DISP1: variants seen among roughly 807,000 people sequenced by gnomAD.
DISP1 encodes the protein protein dispatched homolog 1.
In DISP1, 30 loss-of-function variants were observed where a neutral mutation model predicts 37.3. The observed-to-expected ratio is 0.80, with a 90% CI of 0.60 to 1.09. DISP1 has a LOEUF of 1.09. Among genes scored for constraint, DISP1 ranks in the 50% least tolerant of loss-of-function variants. The probability of loss-of-function intolerance (pLI) is 0.00; values close to 1 mark genes in which losing one functional copy is unlikely to be tolerated. For missense variants in DISP1, 1,598 were observed against 1,879.5 expected (o/e 0.85, Z 2.77); for synonymous variants, 634 against 690.2 (o/e 0.92, Z 1.28).
At chr1:222,881,256 C>T (rs1303115101) in intron 1 of DISP1, among the ~76,000 whole-genome samples, 1 of 151,992 alleles carries the variant, frequency 6.6e-6, no homozygotes, top group Non-Finnish European at 1.5e-5. Context: ...AAAGCAATGG[C>T]GCCATCTCGG....
intron 1 of DISP1, among the ~76,000 whole-genome samples, chr1:222,884,983 C>T (rs1186166408): frequency 1.3e-5 from 2 of 152,062 alleles, no homozygotes; most frequent in Admixed American, 6.5e-5. Flanking sequence ...ACTACAGGCG[C>T]CCGCCACTAC....
At chr1:222,850,186 A>G (rs1668142710) in intron 1 of DISP1, among the ~76,000 whole-genome samples, 3 of 152,224 alleles carry the variant, frequency 2.0e-5, no homozygotes, top group Admixed American at 2.0e-4. Flanking sequence ...AAATGCTGGC[A>G]GTAAAGTTCA....
At position 222,839,437 on chromosome 1, in the gene DISP1, T is replaced by G. The variant is rs143693320; in HGVS notation, c.-159+24359T>G. ...TAGGCACCACTTATCTATAGCCTTT[T>G]CTCTTGGGCTGATGTCTCTTTCCAA... On this transcript the variant is annotated intron_variant, in intron 1 of 8. Coordinates refer to ENST00000675850, the MANE Select transcript of DISP1 (RefSeq NM_001377229.1). Among the ~76,000 whole-genome samples, 135 of 152,292 alleles carry G rather than the reference T, an allele frequency of 8.9e-4. No individual in the cohort carries two copies. The East Asian group carries it at 0.019, about 21-fold the overall frequency.
At chr1:222,870,280 T>C (rs1299543017) in intron 1 of DISP1, among the ~76,000 whole-genome samples, 5 of 152,232 alleles carry the variant, frequency 3.3e-5, no homozygotes, top group Admixed American at 2.6e-4. Flanking sequence ...AGCAGCATGA[T>C]TTATAATCCT....
intron 3 of DISP1, among the ~76,000 whole-genome samples, chr1:222,965,708 T>C (rs1676428167): frequency 6.6e-6 from 1 of 152,172 alleles, no homozygotes; most frequent in Non-Finnish European, 1.5e-5. Context: ...AATATCTCAC[T>C]CAGTTTTTTT....
At chr1:222,877,885 A>G (rs1173830194) in intron 1 of DISP1, among the ~76,000 whole-genome samples, 1 of 152,154 alleles carries the variant, frequency 6.6e-6, no homozygotes, top group Non-Finnish European at 1.5e-5. Context: ...ACCCAAGAGA[A>G]CAGCCCTGAT....
chr1:222,971,151 G>T (rs1382144499), intron 3 of DISP1, among the ~76,000 whole-genome samples: 2 of 152,026 alleles, frequency 1.3e-5, no homozygotes, highest in African/African-American at 2.4e-5. Flanking sequence ...TTTTGACAAT[G>T]ATTTGAGTTA....
chr1:222,836,762 T>C (rs61839598), intron 1 of DISP1, among the ~76,000 whole-genome samples: 39,668 of 147,290 alleles, frequency 0.27, 5,593 homozygotes, highest in South Asian at 0.42. Flanking sequence ...TATATATATA[T>C]ACACACACAC....
chr1:222,872,751 G>C (rs573365614), intron 1 of DISP1, among the ~76,000 whole-genome samples: 99 of 152,218 alleles, frequency 6.5e-4, no homozygotes, highest in Middle Eastern at 3.4e-3. Flanking sequence ...ATTTTTTGAA[G>C]GGTTTTTCTG....
At chr1:222,859,329 C>G (rs554923798) in intron 1 of DISP1, among the ~76,000 whole-genome samples, 3 of 152,022 alleles carry the variant, frequency 2.0e-5, no homozygotes, top group Non-Finnish European at 4.4e-5. Flanking sequence ...TGGGGCCTGT[C>G]GGGAGGTGGA....
At chr1:222,993,381 T>A (rs1678842500) in intron 7 of DISP1, among the ~76,000 whole-genome samples, 1 of 152,230 alleles carries the variant, frequency 6.6e-6, no homozygotes, top group Admixed American at 6.5e-5. Flanking sequence ...AATTTTTAAT[T>A]AAGTGAATAT....
intron 1 of DISP1, among the ~76,000 whole-genome samples, chr1:222,818,037 A>G (rs2125116573): frequency 6.6e-6 from 1 of 152,346 alleles, no homozygotes; most frequent in East Asian, 1.9e-4. Flanking sequence ...CACAATGGCA[A>G]ATATTGTAGA....
Position 223,004,458 on chromosome 1 carries a change from T to C in DISP1, c.3061T>C (p.Phe1021Leu), listed in dbSNP as rs760684378. 7 of 1,614,214 alleles carry C rather than the reference T, an allele frequency of 4.3e-6. No individual in the cohort carries two copies. The East Asian group carries it at 1.6e-4, about 36-fold the overall frequency. Reference sequence around the variant, plus strand: ...CATCATTTCAATTGCTGGAACGATATTTGTCACTGTTGGTTCTCTTGTCCT... The same window carrying C: ...CATCATTTCAATTGCTGGAACGATACTTGTCACTGTTGGTTCTCTTGTCCT... ...YAIISIAGTI[F>L]VTVGSLVLLG... The change falls in exon 9 of 9, where the codon TTT becomes CTT. Residue 1021 changes from phenylalanine to leucine, a missense_variant. Phe to Leu is a conservative substitution (Grantham distance 22). Transcript: ENST00000675850. The surrounding 1 kb of genome is among the most constrained non-coding windows in gnomAD (Gnocchi z 4.9).
intron 1 of DISP1, among the ~76,000 whole-genome samples, chr1:222,870,547 T>C (rs896798971): frequency 2.6e-5 from 4 of 152,260 alleles, no homozygotes; most frequent in South Asian, 2.1e-4. Flanking sequence ...CCAGTGATGA[T>C]GAGCATTTTT....
At chr1:222,984,427 T>A (rs1442902200) in intron 4 of DISP1, among the ~76,000 whole-genome samples, 1,211 of 114,576 alleles carry the variant, frequency 0.011, 82 homozygotes, top group African/African-American at 0.042. Flanking sequence ...AAAAAATATA[T>A]ATATATATAG....
intron 3 of DISP1, chr1:222,979,592 C>T (rs998389042): frequency 2.1e-6 from 1 of 470,760 alleles, no homozygotes; most frequent in African/African-American, 2.0e-5. Context: ...TTTGAAAATA[C>T]AGCTTTTGGG....
intron 3 of DISP1, among the ~76,000 whole-genome samples, chr1:222,979,144 C>A (rs1158432465): frequency 6.6e-6 from 1 of 152,216 alleles, no homozygotes; most frequent in Non-Finnish European, 1.5e-5. Flanking sequence ...CACAGGGGCT[C>A]ACGCCTGTAA....
At chr1:222,834,255 G>GAGC (rs1380959261) in intron 1 of DISP1, among the ~76,000 whole-genome samples, 3 of 152,068 alleles carry the variant, frequency 2.0e-5, no homozygotes, top group African/African-American at 7.2e-5. Flanking sequence ...GATATAAACA[G>GAGC]AGCATAGCAT....
intron 4 of DISP1, among the ~76,000 whole-genome samples, chr1:222,989,806 GT>G (rs5781293): frequency 0.93 from 132,153 of 141,514 alleles, 61,878 homozygotes; most frequent in East Asian, 0.99. Context: ...GTTTAGTTTA[GT>G]TTTTTTTTTT....
Sources: gnomAD v4.1 joint callset for allele counts (sites outside exome capture counted in the v4.1 genomes callset) on GRCh38, gnomAD v4.1.1 for gene constraint, Gnocchi (gnomAD v3.1) non-coding constraint, MANE v1.5 for transcripts, NCBI Gene and HGNC (gene_info 2026-07-23, HGNC 2026-07-21) for gene names.